MMP14: variants seen among roughly 807,000 people sequenced by gnomAD.
MMP14 encodes the protein matrix metallopeptidase 14.
Under a neutral mutation model 64.8 loss-of-function variants are expected in MMP14, and 13 were observed. The ratio of observed to expected loss-of-function variants is 0.20; its 90% CI spans 0.13 to 0.32. The LOEUF is 0.32. MMP14 is among the 10% of genes least tolerant of loss of function. The pLI, the probability that MMP14 is intolerant of heterozygous loss-of-function variation, is 1.00. For missense variants in MMP14, 594 were observed against 783.8 expected, an observed-to-expected ratio of 0.76 and a Z score of 2.89; for synonymous variants, 322 against 315.9, an observed-to-expected ratio of 1.02 and a Z score of -0.20.
At chr14:22,839,298 A>G (rs1316531274) in intron 1 of MMP14, among the ~76,000 whole-genome samples, 1 of 152,206 alleles carries the variant, frequency 6.6e-6, no homozygotes, top group African/African-American at 2.4e-5. Context: ...GCTAGGGGCA[A>G]AAGACATTTC....
Position 22,844,661 on chromosome 14 carries a change from C to T in MMP14, c.1182C>T (p.Ser394=), listed in dbSNP as rs1460399850. ...AGCATTGGGTGTTTGATGAGGCGTCCCTGGAACCTGGCTACCCCAAGCACA... is the reference window on the plus strand; with the variant it reads ...AGCATTGGGTGTTTGATGAGGCGTCTCTGGAACCTGGCTACCCCAAGCACA... The part of the protein sequence containing the change: ...GDKHWVFDEA[S]LEPGYPKHIK... The change falls in exon 8 of 10, where the codon TCC becomes TCT. Residue 394 remains serine, a synonymous_variant. Transcript: ENST00000311852. 2 of 1,613,970 alleles carry T rather than the reference C, an allele frequency of 1.2e-6. No homozygotes were observed. Among genetic ancestry groups the T allele is most frequent in the Admixed American group, 1.7e-5 (1 of 59,996 alleles).
In MMP14 at chr14:22,842,712, T is replaced by G. The variant is rs369810660; in HGVS notation, c.683T>G (p.Leu228Arg). 3.1e-6 allele frequency: 5 copies of G among 1,594,912 alleles called. No homozygotes were observed. The highest frequency in any genetic ancestry group is 1.3e-5 in the African/African-American group (1 of 74,482). Residue 228 changes from leucine (L) to arginine (R), a missense_variant, in exon 4 of 10, where the codon CTG (leucine) becomes CGG (arginine). Around this residue, in one of 4 missense-constraint regions of MMP14, gnomAD observed 179 missense variants for 283.4 expected, o/e 0.63. Coordinates refer to ENST00000311852, the MANE Select transcript of MMP14 (RefSeq NM_004995.4). The surrounding 1 kb of genome is among the most constrained non-coding windows in gnomAD (Gnocchi z 5.3). ...AEPWTVRNED[L>R]NGNDIFLVAV... ...CCTTGGACTGTCAGGAATGAGGATCTGAATGGTGAGCCAAGTATCCCTGGG... is the reference window on the plus strand; with the variant it reads ...CCTTGGACTGTCAGGAATGAGGATCGGAATGGTGAGCCAAGTATCCCTGGG...
chr14:22,843,948 C>T lies in MMP14; in HGVS notation c.1011+78C>T, dbSNP rs553938918. ...TGGTGGCTCATGCCTGTAATCCTAG[C>T]ACTTTGAGAGGCCAAGGCAGGTGGA... On this transcript the variant is annotated intron_variant, in intron 6 of 9. Coordinates refer to ENST00000311852, the MANE Select transcript of MMP14 (RefSeq NM_004995.4). The surrounding 1 kb of genome is among the most constrained non-coding windows in gnomAD (Gnocchi z 4.8). 85 of 1,557,112 alleles carry T rather than the reference C, an allele frequency of 5.5e-5. No individual in the cohort carries two copies. The East Asian group carries it at 9.3e-4, about 17-fold the overall frequency.
chr14:22,836,877 C>G lies in MMP14; in HGVS notation c.60C>G (p.Thr20=). The G allele has an allele frequency of 6.2e-7, 1 of 1,613,804 alleles. No homozygotes were observed. Among genetic ancestry groups the G allele is most frequent in the Non-Finnish European group, 8.5e-7 (1 of 1,179,836 alleles). ...TGCTCCCCCTGCTCACGCTCGGCAC[C>G]GCGCTCGCCTCCCTCGGCTCGGCCC... ...CLLLPLLTLG[T]ALASLGSAQS... is the part of the protein sequence containing the mutation. The change falls in exon 1 of 10, where the codon ACC becomes ACG. Residue 20 remains threonine (T), a synonymous_variant. Coordinates refer to ENST00000311852, the MANE Select transcript of MMP14 (RefSeq NM_004995.4).
In MMP14 at chr14:22,843,192, T is replaced by A; in HGVS notation, c.689-65T>A. 1 of 1,544,494 alleles carries A rather than the reference T, an allele frequency of 6.5e-7. No individual in the cohort carries two copies. The highest frequency in any genetic ancestry group is 8.8e-7 in the Non-Finnish European group (1 of 1,137,966). ...TTGGAGGTGAAACCAAAGCTGCTGGTGGGGAAGCAGGGAGGCTGAGGGAAG... is the reference window on the plus strand; with the variant it reads ...TTGGAGGTGAAACCAAAGCTGCTGGAGGGGAAGCAGGGAGGCTGAGGGAAG... On this transcript the variant is annotated intron_variant, in intron 4 of 9. Coordinates refer to ENST00000311852, the MANE Select transcript of MMP14 (RefSeq NM_004995.4). This position sits in a 1 kb window ranked among gnomAD's most constrained non-coding sequence, Gnocchi z 4.8.
intron 1 of MMP14, 135 bp downstream of exon 1, chr14:22,837,060 C>G (rs963585394): frequency 1.4e-6 from 1 of 737,260 alleles, no homozygotes; most frequent in African/African-American, 1.7e-5. Context: ...GATTCCCCCT[C>G]CCTTTCTTTT....
rs762349938 is a variant in MMP14, at chr14:22,845,258, C to T, written c.1309C>T (p.Arg437Cys). 4 of 1,613,174 alleles carry T rather than the reference C, an allele frequency of 2.5e-6. No homozygotes were observed. Among genetic ancestry groups the T allele is most frequent in the African/African-American group, 1.3e-5 (1 of 74,898 alleles). Residue 437 changes from arginine to cysteine, a missense_variant, in exon 9 of 10, where the codon CGT (arginine) becomes TGT (cysteine). Coordinates refer to ENST00000311852, the MANE Select transcript of MMP14 (RefSeq NM_004995.4). ...TYFFRGNKYY[R>C]FNEELRAVDS... ...TCCTTTCCCCTTCCCCAGGTACTAC[C>T]GTTTCAACGAAGAGCTCAGGGCAGT...
Position 22,842,164 on chromosome 14 carries a change from G to GC in MMP14, c.380+129_380+130insC. 1 of 1,323,212 alleles carries GC rather than the reference G, an allele frequency of 7.6e-7. No individual in the cohort carries two copies. Among genetic ancestry groups the GC allele is most frequent in the Non-Finnish European group, 1.1e-6 (1 of 950,940 alleles). 82.0% of individuals were successfully genotyped at this position (1,323,212 alleles called of 1,614,324 possible). ...CCTGGGAAGCATCCGTGGGAGTGGGGAGGAAAATGGCTCTCATCCTTGAGA... is the reference window on the plus strand; with the variant it reads ...CCTGGGAAGCATCCGTGGGAGTGGGGCAGGAAAATGGCTCTCATCCTTGAGA... On this transcript the variant is annotated intron_variant, in intron 3 of 9. Transcript: ENST00000311852. The surrounding 1 kb of genome is among the most constrained non-coding windows in gnomAD (Gnocchi z 5.3).
rs766119742 is a variant in MMP14, at chr14:22,843,851, G to T, written c.992G>T (p.Gly331Val). ...GNFDTVAMLR[G>V]EMFVFKERWF... ...TTTGACACCGTGGCCATGCTCCGAG[G>T]GGAGATGTTTGTCTTCAAGGTGAGA... Residue 331 changes from glycine to valine, a missense_variant, in exon 6 of 10, where the codon GGG becomes GTG. Coordinates refer to ENST00000311852, the MANE Select transcript of MMP14 (RefSeq NM_004995.4). The surrounding 1 kb of genome is among the most constrained non-coding windows in gnomAD (Gnocchi z 4.8). The T allele has an allele frequency of 1.2e-6, 2 of 1,611,814 alleles. No homozygotes were observed. The highest frequency in any genetic ancestry group is 2.2e-5 in the South Asian group (2 of 90,708).
chr14:22,840,249 C>G (rs989643485), intron 1 of MMP14, among the ~76,000 whole-genome samples: 2 of 152,152 alleles, frequency 1.3e-5, no homozygotes, highest in African/African-American at 4.8e-5. Flanking sequence ...TTACAGGCGT[C>G]AGCCACCACG....
In MMP14 at chr14:22,845,883, G is replaced by A. The variant is rs2039809310; in HGVS notation, c.1593G>A (p.Glu531=). ...AGGTGATCATCATTGAGGTGGACGAGGAGGGCGGCGGGGCGGTGAGCGCGG... is the reference window on the plus strand; with the variant it reads ...AGGTGATCATCATTGAGGTGGACGAAGAGGGCGGCGGGGCGGTGAGCGCGG... ...ETEVIIIEVD[E]EGGGAVSAAA... Residue 531 remains glutamate, a synonymous_variant, in exon 10 of 10, where the codon GAG becomes GAA. Transcript: ENST00000311852. 1 of 1,613,830 alleles carries A rather than the reference G, an allele frequency of 6.2e-7. No homozygotes were observed. Among genetic ancestry groups the A allele is most frequent in the South Asian group, 1.1e-5 (1 of 91,076 alleles).
At chr14:22,841,789 G>A in intron 2 of MMP14, 124 bp from the exon 3 acceptor site, 1 of 1,557,278 alleles carries the variant, frequency 6.4e-7, no homozygotes. Context: ...TATTCACCCT[G>A]ACCTCATAAC....
chr14:22,844,388 G>A lies in MMP14; in HGVS notation c.1029G>A (p.Arg343=), dbSNP rs1424355765. 8.7e-6 allele frequency: 14 copies of A among 1,614,102 alleles called. No homozygotes were observed. The highest frequency in any genetic ancestry group is 1.2e-5 in the Non-Finnish European group (14 of 1,179,986). ...MFVFKERWFW[R]VRNNQVMDGY... ...GCTTCCAGGAGCGCTGGTTCTGGCG[G>A]GTGAGGAATAACCAAGTGATGGATG... Residue 343 remains arginine, a synonymous_variant, in exon 7 of 10, where the codon CGG becomes CGA. Transcript: ENST00000311852.
At chr14:22,837,659 G>A (rs2039744677) in intron 1 of MMP14, among the ~76,000 whole-genome samples, 1 of 152,252 alleles carries the variant, frequency 6.6e-6, no homozygotes, top group African/African-American at 2.4e-5. Flanking sequence ...GGCCCTTTTT[G>A]TTGTTAATAG....
chr14:22,840,866 T>C lies in MMP14; in HGVS notation c.109-625T>C, dbSNP rs79791844. Among the ~76,000 whole-genome samples the C allele has an allele frequency of 6.8e-3, 1,034 of 152,338 alleles. 3 individuals carry two copies. Among genetic ancestry groups the C allele is most frequent in the Non-Finnish European group, 0.012 (783 of 68,030 alleles). On this transcript the variant is annotated intron_variant, in intron 1 of 9. Transcript: ENST00000311852. ...TCCAAGCCATAGGTCAGATGCTGCT[T>C]GGATAAGGACAGCGGCAGGATCCTG...
intron 1 of MMP14, among the ~76,000 whole-genome samples, chr14:22,841,004 T>C (rs1427844267): frequency 6.6e-6 from 1 of 152,226 alleles, no homozygotes; most frequent in African/African-American, 2.4e-5. Flanking sequence ...AGATCTCAGC[T>C]GTGAGGGTCC....
Position 22,842,123 on chromosome 14 carries a change from C to T in MMP14, c.380+88C>T. ...ATGCAGGGACTCAGAGACCCCCTGC[C>T]CCACTCCCCTCAGTTCCTGGGAAGC... On this transcript the variant is annotated intron_variant, in intron 3 of 9. Coordinates refer to ENST00000311852, the MANE Select transcript of MMP14 (RefSeq NM_004995.4). The surrounding 1 kb of genome is among the most constrained non-coding windows in gnomAD (Gnocchi z 5.3). 3.3e-6 allele frequency: 5 copies of T among 1,526,430 alleles called. No homozygotes were observed. The highest frequency in any genetic ancestry group is 2.3e-5 in the East Asian group (1 of 44,364). 94.6% of individuals were successfully genotyped at this position (1,526,430 alleles called of 1,614,324 possible).
chr14:22,844,827 C>G, intron 8 of MMP14, 47 bp downstream of exon 8: 1 of 1,610,554 alleles, frequency 6.2e-7, no homozygotes, highest in Non-Finnish European at 8.5e-7. Context: ...GAAACCACCA[C>G]CACCCCAAAT....
chr14:22,846,020 C>A lies in MMP14; in HGVS notation c.1730C>A (p.Ser577Tyr). Reference sequence around the variant, plus strand: ...AGGCGACTGCTCTACTGCCAGCGTTCCCTGCTGGACAAGGTCTGACGCCCA... The same window carrying A: ...AGGCGACTGCTCTACTGCCAGCGTTACCTGCTGGACAAGGTCTGACGCCCA... ...TPRRLLYCQR[S>Y]LLDKV The change falls in exon 10 of 10, where the codon TCC (serine) becomes TAC (tyrosine). Residue 577 changes from serine (S) to tyrosine (Y), a missense_variant. By Grantham distance (144) the Ser-to-Tyr change is moderately radical (BLOSUM62 -2). Around this residue, in one of 4 missense-constraint regions of MMP14, gnomAD observed 364 missense variants for 425.2 expected, o/e 0.86. Transcript: ENST00000311852. 1 of 1,500,180 alleles carries A rather than the reference C, an allele frequency of 6.7e-7. No homozygotes were observed. 92.9% of individuals were successfully genotyped at this position (1,500,180 alleles called of 1,614,324 possible).
Sources: allele counts gnomAD v4.1 joint callset (sites outside exome capture counted in the v4.1 genomes callset), GRCh38; gene constraint gnomAD v4.1.1; regional missense constraint gnomAD v4.1.1; non-coding constraint Gnocchi (gnomAD v3.1); transcripts MANE v1.5; gene names NCBI Gene and HGNC (gene_info 2026-07-23, HGNC 2026-07-21).